Variants in FREM2 observed in about 807,000 individuals in gnomAD.
FREM2 encodes FRAS1 related extracellular matrix 2, also known as FRAS1-related extracellular matrix protein 2.
FREM2 carries 119 observed loss-of-function variants against 219.9 expected under a neutral mutation model. The ratio of observed to expected loss-of-function variants is 0.54; its 90% CI spans 0.47 to 0.63. FREM2 has a LOEUF of 0.63. Ranked by LOEUF, FREM2 falls within the 30% of genes least tolerant of loss-of-function variation. The probability of loss-of-function intolerance (pLI) is 0.00; values close to 1 mark genes in which losing one functional copy is unlikely to be tolerated. For synonymous variants in FREM2, 1,562 were observed against 1,522.8 expected (o/e 1.03, Z -0.60); for missense variants, 4,030 against 3,993.6 (o/e 1.01, Z -0.25).
intron 1 of FREM2, among the ~76,000 whole-genome samples, chr13:38,694,725 A>C (rs984116049): frequency 6.6e-6 from 1 of 152,226 alleles, no homozygotes; most frequent in Non-Finnish European, 1.5e-5. Flanking sequence ...AACTTATTAA[A>C]TTGATGAAAA....
Position 38,883,378 on chromosome 13 carries a change from G to T in FREM2, c.*2591G>T, listed in dbSNP as rs1037307502. On this transcript the variant is annotated 3_prime_UTR_variant, in exon 24 of 24. Transcript: ENST00000280481. ...TTAGAGAACTATTCTGGTACTATCA[G>T]AACAAATACATAAAATAACTTCCCA... 2.0e-5 allele frequency: 3 copies of T among 151,984 alleles called. No homozygotes were observed. Among genetic ancestry groups the T allele is most frequent in the Non-Finnish European group, 2.9e-5 (2 of 67,976 alleles). 9.4% of individuals were successfully genotyped at this position (151,984 alleles called of 1,614,324 possible). A position where few individuals can be genotyped will look rare whatever the true frequency, so the allele number is the denominator to read the frequency against.
intron 18 of FREM2, 91 bp from the exon 19 acceptor site, chr13:38,875,931 G>T (rs1459663154): frequency 8.4e-7 from 1 of 1,184,176 alleles, no homozygotes; most frequent in South Asian, 1.2e-5. Context: ...AGCAAATAAT[G>T]TATGATCATT....
At chr13:38,860,671 T>C (rs11147739) in intron 14 of FREM2, among the ~76,000 whole-genome samples, 47,746 of 152,088 alleles carry the variant, frequency 0.31, 9,014 homozygotes, top group African/African-American at 0.53. Flanking sequence ...AATAGATAAG[T>C]AATTGTATCT....
At chr13:38,797,811 A>G (rs924409619) in intron 6 of FREM2, among the ~76,000 whole-genome samples, 2 of 152,090 alleles carry the variant, frequency 1.3e-5, no homozygotes, top group African/African-American at 4.8e-5. Context: ...ATTTTTGTAT[A>G]TGGTGAGAGA....
chr13:38,707,607 A>G (rs934646158), intron 2 of FREM2, among the ~76,000 whole-genome samples: 20 of 152,130 alleles, frequency 1.3e-4, no homozygotes, highest in African/African-American at 4.1e-4. Flanking sequence ...GCCACCTGCT[A>G]CCTTTAACTC....
intron 6 of FREM2, among the ~76,000 whole-genome samples, chr13:38,806,426 G>C (rs563943852): frequency 6.6e-6 from 1 of 152,000 alleles, no homozygotes; most frequent in South Asian, 2.1e-4. Flanking sequence ...TGAGAGTTTG[G>C]TTCCAGACCG....
At position 38,691,103 on chromosome 13, in the gene FREM2, C is replaced by T. The variant is rs1002696043; in HGVS notation, c.3759C>T (p.Thr1253=). 6.2e-7 allele frequency: 1 copy of T among 1,614,082 alleles called. No homozygotes were observed. ...GCACGGTTTTGGTCGAAAGCTTCAC[C>T]TTGGATCAGATCATAGAGAGTTCCA... The part of the protein sequence containing the change: ...INGTVLVESF[T]LDQIIESSSI... Residue 1253 remains threonine (T), a synonymous_variant, in exon 1 of 24, where the codon ACC becomes ACT. Coordinates refer to ENST00000280481, the MANE Select transcript of FREM2 (RefSeq NM_207361.6).
At chr13:38,735,012 C>G (rs1372872709) in intron 2 of FREM2, among the ~76,000 whole-genome samples, 1 of 152,162 alleles carries the variant, frequency 6.6e-6, no homozygotes, top group Non-Finnish European at 1.5e-5. Context: ...TCCCAAAGTG[C>G]TGGGATTACA....
Position 38,881,656 on chromosome 13 carries a change from A to G in FREM2, c.*869A>G, listed in dbSNP as rs1433567297. 1.3e-5 allele frequency: 2 copies of G among 152,602 alleles called. No individual in the cohort carries two copies. Among genetic ancestry groups the G allele is most frequent in the Non-Finnish European group, 2.9e-5 (2 of 68,026 alleles). The allele number at this position is 152,602 out of a possible 1,614,324, so 9.5% of individuals were successfully genotyped here. A position where few individuals can be genotyped will look rare whatever the true frequency, so the allele number is the denominator to read the frequency against. On this transcript the variant is annotated 3_prime_UTR_variant, in exon 24 of 24. Transcript: ENST00000280481. ...GAGTCACTACAAGACAATGTTCTCTAAGAACTGAGCCTAGATGTTTGCAGT... is the reference window on the plus strand; with the variant it reads ...GAGTCACTACAAGACAATGTTCTCTGAGAACTGAGCCTAGATGTTTGCAGT...
chr13:38,691,529 A>G lies in FREM2; in HGVS notation c.4185A>G (p.Lys1395=), dbSNP rs1327427447. 6.2e-7 allele frequency: 1 copy of G among 1,614,150 alleles called. No homozygotes were observed. Among genetic ancestry groups the G allele is most frequent in the South Asian group, 1.1e-5 (1 of 91,070 alleles). ...LGQEGIRDLI[K]FDVTDGINPL... ...AAGAGGGCATTCGGGACCTAATTAA[A>G]TTTGATGTGACTGATGGAATAAATC... is the stretch of plus-strand genomic sequence containing the variant. Residue 1395 remains lysine (K), a synonymous_variant, in exon 1 of 24, where the codon AAA becomes AAG. Transcript: ENST00000280481.
intron 2 of FREM2, among the ~76,000 whole-genome samples, chr13:38,752,905 T>TG (rs1227573551): frequency 2.0e-5 from 3 of 151,890 alleles, no homozygotes; most frequent in Non-Finnish European, 4.4e-5. Flanking sequence ...TCCTTTGGGG[T>TG]GCGGGGAGAA....
At chr13:38,806,291 A>G (rs1415735105) in intron 6 of FREM2, among the ~76,000 whole-genome samples, 1 of 151,938 alleles carries the variant, frequency 6.6e-6, no homozygotes, top group African/African-American at 2.4e-5. Context: ...ATAGTTTTAT[A>G]AGGGAGGAAG....
chr13:38,850,671 G>T (rs749031687), intron 9 of FREM2, among the ~76,000 whole-genome samples: 1 of 152,202 alleles, frequency 6.6e-6, no homozygotes, highest in Non-Finnish European at 1.5e-5. Context: ...ATTGACATTT[G>T]TGCTTTTTCC....
chr13:38,703,229 T>C (rs1870409792), intron 2 of FREM2, among the ~76,000 whole-genome samples: 1 of 152,000 alleles, frequency 6.6e-6, no homozygotes, highest in Admixed American at 6.6e-5. Context: ...TGGAAAAATA[T>C]AAATAGAGTA....
intron 2 of FREM2, among the ~76,000 whole-genome samples, chr13:38,761,151 A>G (rs1339687163): frequency 1.3e-5 from 2 of 152,228 alleles, no homozygotes; most frequent in African/African-American, 4.8e-5. Context: ...GATACAGCAC[A>G]TACAAAAACA....
chr13:38,799,788 A>G (rs1477381243), intron 6 of FREM2, among the ~76,000 whole-genome samples: 3 of 150,492 alleles, frequency 2.0e-5, no homozygotes. Context: ...AAGTATACCT[A>G]CTCTTATTTT....
intron 2 of FREM2, among the ~76,000 whole-genome samples, chr13:38,715,036 GAGCCGAGATCGTGCCATTGCACTCC>G (rs1454078986): frequency 2.0e-5 from 3 of 152,166 alleles, no homozygotes; most frequent in African/African-American, 7.2e-5. Context: ...AGGTTACAGT[GAGCCGAGATCGTGCCATTGCACTCC>G]AGCCTGGGTG....
At position 38,793,581 on chromosome 13, in the gene FREM2, G is replaced by A. The variant is rs183244481; in HGVS notation, c.6019+8773G>A. On this transcript the variant is annotated intron_variant, in intron 6 of 23. Transcript: ENST00000280481. The stretch of plus-strand genomic sequence containing the variant: ...CCCTGTGGCCATATAAAAGAGTTGT[G>A]TTTCATTCTTGCAATAGAAATAGGT... Among the ~76,000 whole-genome samples the A allele has an allele frequency of 9.2e-5, 14 of 152,318 alleles. No individual in the cohort carries two copies. In the East Asian group the frequency reaches 2.1e-3, roughly 23 times the overall value.
chr13:38,698,904 A>G (rs1427838525), intron 2 of FREM2, among the ~76,000 whole-genome samples: 2 of 152,218 alleles, frequency 1.3e-5, no homozygotes, highest in Non-Finnish European at 2.9e-5. Flanking sequence ...GATTCCTACT[A>G]TGAATCAGAG....
Sources: allele counts gnomAD v4.1 joint callset (sites outside exome capture counted in the v4.1 genomes callset), GRCh38; gene constraint gnomAD v4.1.1; transcripts MANE v1.5; gene names NCBI Gene and HGNC (gene_info 2026-07-23, HGNC 2026-07-21).